Variants in TFEC observed in about 807,000 individuals in gnomAD.
The protein encoded by TFEC is class E basic helix-loop-helix protein 34.
TFEC carries 31 observed loss-of-function variants against 41.6 expected under a neutral mutation model. The observed-to-expected ratio is 0.74, with a 90% CI of 0.56 to 1.01. TFEC has a LOEUF of 1.01. Ranked by LOEUF, TFEC falls within the 50% of genes least tolerant of loss-of-function variation. The pLI, the probability that TFEC is intolerant of heterozygous loss-of-function variation, is 0.00. For synonymous variants in TFEC, 143 were observed against 140.6 expected (o/e 1.02, Z -0.12); for missense variants, 402 against 404.1 (o/e 0.99, Z 0.04).
In TFEC at chr7:115,950,887, T is replaced by A. The variant is rs1281615169; in HGVS notation, c.502A>T (p.Lys168Ter). Residue 168 changes from lysine (K) to a stop codon, truncating the protein, a stop_gained, in exon 6 of 8, where the codon AAG (lysine) becomes TAG (stop). Coordinates refer to ENST00000265440, the MANE Select transcript of TFEC (RefSeq NM_012252.4). LOFTEE classifies it high-confidence loss of function. The part of the protein sequence containing the change: ...RIKELGTLIP[K>*]SNDPDMRWNK... ...TGTTGAACTCACGGATCATTAGACT[T>A]TGGAATAAGAGTGCCAAGCTCCTTG... 1 of 1,604,182 alleles carries A rather than the reference T, an allele frequency of 6.2e-7. No individual in the cohort carries two copies. The highest frequency in any genetic ancestry group is 8.5e-7 in the Non-Finnish European group (1 of 1,174,854).
At chr7:116,029,486 C>T (rs897173676) in intron 1 of TFEC, among the ~76,000 whole-genome samples, 7 of 152,092 alleles carry the variant, frequency 4.6e-5, no homozygotes, top group Admixed American at 2.0e-4. Context: ...ACGAAAGAAT[C>T]ATGAAGGTTA....
chr7:115,984,483 G>C lies in TFEC; in HGVS notation c.-42C>G, dbSNP rs1429646166. ...TGTCTCTGGGCTTTCTGTAGCTGAG[G>C]CCTTGCAGAACTTTCCAGGTGTGCT... On this transcript the variant is annotated 5_prime_UTR_variant, in exon 2 of 8. Coordinates refer to ENST00000265440, the MANE Select transcript of TFEC (RefSeq NM_012252.4). 2 of 1,613,860 alleles carry C rather than the reference G, an allele frequency of 1.2e-6. No homozygotes were observed. Among genetic ancestry groups the C allele is most frequent in the Non-Finnish European group, 1.7e-6 (2 of 1,179,974 alleles).
At chr7:115,951,476 G>A (rs1791939328) in intron 5 of TFEC, among the ~76,000 whole-genome samples, 1 of 151,976 alleles carries the variant, frequency 6.6e-6, no homozygotes, top group East Asian at 1.9e-4. Context: ...ACATATAGGA[G>A]GTGGTAAATA....
rs114262058 is a variant in TFEC, at chr7:116,128,543, A to G, written c.-68-16505T>C. Among the ~76,000 whole-genome samples, 1,225 of 152,292 alleles carry G rather than the reference A, an allele frequency of 8.0e-3. 20 individuals carry two copies. The highest frequency in any genetic ancestry group is 0.028 in the African/African-American group (1,145 of 41,574). On this transcript the variant is annotated intron_variant, in intron 1 of 8. Transcript: ENST00000484212. ...ACAATTTAACTATTTTTATATAAAA[A>G]TAACTAATTTTTATTTTTATAAATC...
At chr7:116,141,355 T>G (rs898109695) in intron 1 of TFEC, among the ~76,000 whole-genome samples, 3 of 152,214 alleles carry the variant, frequency 2.0e-5, no homozygotes, top group African/African-American at 7.2e-5. Context: ...TTCTAAATTT[T>G]TAATAATTTT....
At chr7:116,127,654 T>G (rs1285778373) in intron 1 of TFEC, among the ~76,000 whole-genome samples, 1 of 142,062 alleles carries the variant, frequency 7.0e-6, no homozygotes, top group African/African-American at 2.6e-5. Context: ...TTACCACCAC[T>G]GCACTCCAGC....
chr7:116,086,624 C>T (rs1797209552), intron 3 of TFEC, among the ~76,000 whole-genome samples: 1 of 151,660 alleles, frequency 6.6e-6, no homozygotes, highest in Non-Finnish European at 1.5e-5. Flanking sequence ...CATTTACCCC[C>T]ACTGAATTGT....
chr7:116,151,893 T>C (rs1798770180), intron 1 of TFEC, among the ~76,000 whole-genome samples: 1 of 152,160 alleles, frequency 6.6e-6, no homozygotes, highest in African/African-American at 2.4e-5. Flanking sequence ...GCACCTTGGA[T>C]GTAAACAAAG....
At chr7:116,057,921 A>G (rs903587621) in intron 3 of TFEC, among the ~76,000 whole-genome samples, 4 of 151,860 alleles carry the variant, frequency 2.6e-5, no homozygotes, top group Non-Finnish European at 4.4e-5. Flanking sequence ...TGCAATCATA[A>G]AGATTTGTTT....
chr7:116,053,429 G>A (rs1209014689), intron 3 of TFEC, among the ~76,000 whole-genome samples: 1 of 152,214 alleles, frequency 6.6e-6, no homozygotes, highest in Non-Finnish European at 1.5e-5. Flanking sequence ...TGCTGCTGAT[G>A]ATGACAAAAG....
At chr7:116,018,542 A>C (rs1795278286) in intron 1 of TFEC, among the ~76,000 whole-genome samples, 1 of 152,220 alleles carries the variant, frequency 6.6e-6, no homozygotes, top group African/African-American at 2.4e-5. Flanking sequence ...GAGACCTAAC[A>C]CAAGGAATCT....
rs1437706683 is a variant in TFEC, at chr7:115,938,418, C to G, written c.*2133G>C. On this transcript the variant is annotated 3_prime_UTR_variant, in exon 8 of 8. Coordinates refer to ENST00000265440, the MANE Select transcript of TFEC (RefSeq NM_012252.4). ...TAAAATTAAAAGTATGTAATATCGT[C>G]TTGAAAATTATTGAGAAGATGTATC... The G allele has an allele frequency of 6.6e-6, 1 of 151,838 alleles. No individual in the cohort carries two copies. 9.4% of individuals were successfully genotyped at this position (151,838 alleles called of 1,614,324 possible).
intron 1 of TFEC, among the ~76,000 whole-genome samples, chr7:116,134,205 A>T (rs1399154894): frequency 6.6e-6 from 1 of 152,194 alleles, no homozygotes; most frequent in Non-Finnish European, 1.5e-5. Flanking sequence ...CAAGTAAATG[A>T]TCTGTGTAAG....
At chr7:116,135,571 T>C (rs1280624274) in intron 1 of TFEC, among the ~76,000 whole-genome samples, 1 of 152,164 alleles carries the variant, frequency 6.6e-6, no homozygotes, top group Non-Finnish European at 1.5e-5. Context: ...GATCATGCAC[T>C]GGTGAAAGCA....
intron 3 of TFEC, among the ~76,000 whole-genome samples, chr7:115,971,594 A>T (rs955026893): frequency 6.6e-6 from 1 of 152,032 alleles, no homozygotes; most frequent in Non-Finnish European, 1.5e-5. Context: ...GAAAACTTCC[A>T]AGCAGGTCTC....
chr7:116,021,509 C>T (rs1795394243), intron 1 of TFEC, among the ~76,000 whole-genome samples: 1 of 152,206 alleles, frequency 6.6e-6, no homozygotes, highest in African/African-American at 2.4e-5. Flanking sequence ...AGCAATGAGA[C>T]ATCTCACTCC....
chr7:116,155,330 A>C, intron 1 of TFEC, among the ~76,000 whole-genome samples: 1 of 152,230 alleles, frequency 6.6e-6, no homozygotes, highest in Admixed American at 6.5e-5. Context: ...CCACATGATC[A>C]AACATCACGT....
At chr7:115,986,064 T>C (rs1793841718) in intron 1 of TFEC, among the ~76,000 whole-genome samples, 2 of 152,178 alleles carry the variant, frequency 1.3e-5, no homozygotes, top group Non-Finnish European at 1.5e-5. Context: ...ATTTTTTACT[T>C]TTCATCCATT....
At chr7:116,023,464 G>C (rs1235927532) in intron 1 of TFEC, among the ~76,000 whole-genome samples, 1 of 152,084 alleles carries the variant, frequency 6.6e-6, no homozygotes, top group Non-Finnish European at 1.5e-5. Context: ...GTTTTCTTCG[G>C]TGATTTTTTG....
Sources: gnomAD v4.1 joint callset for allele counts (sites outside exome capture counted in the v4.1 genomes callset) on GRCh38, gnomAD v4.1.1 for gene constraint, MANE v1.5 for transcripts, NCBI Gene and HGNC (gene_info 2026-07-23, HGNC 2026-07-21) for gene names.